KCNH5: variants seen among roughly 807,000 people sequenced by gnomAD.
KCNH5 encodes voltage-gated delayed rectifier potassium channel KCNH5.
A neutral mutation model predicts 96.1 loss-of-function variants in KCNH5; 46 were observed. That is an observed-to-expected ratio of 0.48 (90% CI 0.38 to 0.61). KCNH5 has a LOEUF of 0.61. Ranked by LOEUF, KCNH5 falls within the 20% of genes least tolerant of loss-of-function variation. The pLI, the probability that KCNH5 is intolerant of heterozygous loss-of-function variation, is 0.00. For synonymous variants in KCNH5, 439 were observed against 449.8 expected, an observed-to-expected ratio of 0.98 and a Z score of 0.30; for missense variants, 907 against 1,225.8, an observed-to-expected ratio of 0.74 and a Z score of 3.88.
chr14:63,035,279 TAAACAC>T (rs1891702124), intron 1 of KCNH5, among the ~76,000 whole-genome samples: 1 of 152,224 alleles, frequency 6.6e-6, no homozygotes, highest in African/African-American at 2.4e-5. Context: ...TAATGGCAAT[TAAACAC>T]TAATGGCAAG....
chr14:62,925,360 T>G (rs1806366292), intron 7 of KCNH5, among the ~76,000 whole-genome samples: 1 of 151,962 alleles, frequency 6.6e-6, no homozygotes, highest in Admixed American at 6.6e-5. Context: ...AACCATATGG[T>G]CTTTCTTTTG....
At chr14:62,942,399 C>CTT (rs1292349939) in intron 7 of KCNH5, among the ~76,000 whole-genome samples, 1 of 152,144 alleles carries the variant, frequency 6.6e-6, no homozygotes, top group Non-Finnish European at 1.5e-5. Flanking sequence ...TGGATCTTAC[C>CTT]ATCTTCTATT....
chr14:62,747,296 T>C (rs1326449024), intron 10 of KCNH5, among the ~76,000 whole-genome samples: 2 of 151,946 alleles, frequency 1.3e-5, no homozygotes, highest in African/African-American at 4.8e-5. Context: ...GATTGTGCCA[T>C]TGCACTCCAG....
At chr14:62,996,454 C>T (rs1890907668) in intron 4 of KCNH5, among the ~76,000 whole-genome samples, 1 of 151,998 alleles carries the variant, frequency 6.6e-6, no homozygotes, top group African/African-American at 2.4e-5. Context: ...TCTGATTTTC[C>T]CTATAAATTC....
At position 62,954,548 on chromosome 14, in the gene KCNH5, C is replaced by A. The variant is rs1306825200; in HGVS notation, c.943-3989G>T. On this transcript the variant is annotated intron_variant, in intron 6 of 10. Coordinates refer to ENST00000322893, the MANE Select transcript of KCNH5 (RefSeq NM_139318.5). ...CAATTTGGAGGGCTTTGATTAATTA[C>A]AAACTCAGAATGATTTAACAGTATA... 4.6e-5 allele frequency among the ~76,000 whole-genome samples: 7 copies of A among 152,280 alleles called. No individual in the cohort carries two copies. In the East Asian group the frequency reaches 1.3e-3, roughly 29 times the overall value.
At chr14:62,823,103 T>C (rs1235653773) in intron 8 of KCNH5, among the ~76,000 whole-genome samples, 1 of 152,056 alleles carries the variant, frequency 6.6e-6, no homozygotes, top group Non-Finnish European at 1.5e-5. Flanking sequence ...TGGAAACATT[T>C]CCTGAAACAC....
chr14:62,988,687 GC>G (rs1359134944), intron 4 of KCNH5, among the ~76,000 whole-genome samples: 1 of 138,232 alleles, frequency 7.2e-6, no homozygotes, highest in African/African-American at 3.1e-5. Context: ...TGTACAATGT[GC>G]TGTGGAAACA....
intron 2 of KCNH5, among the ~76,000 whole-genome samples, chr14:63,010,787 T>C (rs559511996): frequency 2.0e-5 from 3 of 152,304 alleles, no homozygotes; most frequent in African/African-American, 4.8e-5. Context: ...CTCATTATAG[T>C]ACCTAGCGTA....
chr14:62,785,660 T>C, intron 9 of KCNH5, among the ~76,000 whole-genome samples: 1 of 152,278 alleles, frequency 6.6e-6, no homozygotes, highest in East Asian at 1.9e-4. Context: ...ACTGTTAAAC[T>C]ACAGGAAAAA....
intron 3 of KCNH5, among the ~76,000 whole-genome samples, chr14:63,005,259 C>T (rs1244001847): frequency 6.6e-6 from 1 of 152,164 alleles, no homozygotes; most frequent in African/African-American, 2.4e-5. Flanking sequence ...TTACTAAAAA[C>T]AAATGTTTCC....
intron 4 of KCNH5, among the ~76,000 whole-genome samples, chr14:62,992,435 T>C (rs1040651735): frequency 1.3e-5 from 2 of 152,074 alleles, no homozygotes; most frequent in Non-Finnish European, 2.9e-5. Flanking sequence ...TAACCTACAT[T>C]CCCACCAACA....
chr14:62,717,222 T>C (rs954787833), intron 10 of KCNH5, among the ~76,000 whole-genome samples: 1 of 152,206 alleles, frequency 6.6e-6, no homozygotes, highest in African/African-American at 2.4e-5. Flanking sequence ...CAAGTTAATC[T>C]ATAGTTTTGA....
chr14:63,003,583 AAT>A (rs1491412769), intron 3 of KCNH5, among the ~76,000 whole-genome samples: 1 of 121,526 alleles, frequency 8.2e-6, no homozygotes, highest in Non-Finnish European at 1.6e-5. Flanking sequence ...TTATATACAT[AAT>A]ATATATATTT....
intron 4 of KCNH5, among the ~76,000 whole-genome samples, chr14:62,989,281 G>A (rs1290756249): frequency 2.6e-5 from 4 of 151,948 alleles, no homozygotes; most frequent in South Asian, 4.1e-4. Context: ...TTGGTATACA[G>A]GTCATTTATT....
At chr14:62,885,054 G>A (rs969848278) in intron 7 of KCNH5, among the ~76,000 whole-genome samples, 6 of 152,124 alleles carry the variant, frequency 3.9e-5, no homozygotes, top group Non-Finnish European at 8.8e-5. Flanking sequence ...TTTAATTAAT[G>A]AAAGTAAAGA....
intron 9 of KCNH5, among the ~76,000 whole-genome samples, chr14:62,786,930 T>C (rs549256219): frequency 6.6e-6 from 1 of 152,242 alleles, no homozygotes; most frequent in South Asian, 2.1e-4. Flanking sequence ...CAACTCCCTC[T>C]TCCTCTCCTG....
intron 1 of KCNH5, among the ~76,000 whole-genome samples, chr14:63,034,764 G>T (rs1365379820): frequency 2.6e-5 from 4 of 152,068 alleles, no homozygotes; most frequent in Non-Finnish European, 5.9e-5. Flanking sequence ...CAGCTACAGT[G>T]GTTCAAAATG....
intron 1 of KCNH5, among the ~76,000 whole-genome samples, chr14:63,021,780 T>G (rs1208686546): frequency 1.3e-5 from 2 of 152,098 alleles, no homozygotes; most frequent in Non-Finnish European, 2.9e-5. Flanking sequence ...TTCAGAAGCG[T>G]TGGTAACCAC....
rs567376280 is a variant in KCNH5, at chr14:62,959,392, C to T, written c.943-8833G>A. 2.0e-5 allele frequency among the ~76,000 whole-genome samples: 3 copies of T among 152,234 alleles called. No individual in the cohort carries two copies. In the South Asian group the frequency reaches 6.2e-4, roughly 32 times the overall value. ...AACAAAACTATCACCCATTATCACA[C>T]CTGATAAAACCTAACATGATTTCTC... On this transcript the variant is annotated intron_variant, in intron 6 of 10. Coordinates refer to ENST00000322893, the MANE Select transcript of KCNH5 (RefSeq NM_139318.5).
Sources: allele counts gnomAD v4.1 joint callset (sites outside exome capture counted in the v4.1 genomes callset), GRCh38; gene constraint gnomAD v4.1.1; transcripts MANE v1.5; gene names NCBI Gene and HGNC (gene_info 2026-07-23, HGNC 2026-07-21).